The following MACROD1 variants were observed in gnomAD, a reference collection of about 807,000 sequenced individuals.
MACROD1 encodes mono-ADP ribosylhydrolase 1.
A neutral mutation model predicts 41.4 loss-of-function variants in MACROD1; 31 were observed. That is an observed-to-expected ratio of 0.75 (90% confidence interval 0.56 to 1.01). The LOEUF (loss-of-function observed/expected upper bound fraction) is 1.01. Among genes scored for constraint, MACROD1 ranks in the 50% least tolerant of loss-of-function variants. The pLI is 0.00. For synonymous variants in MACROD1, 252 were observed against 203.4 expected (o/e 1.24, Z -2.03); for missense variants, 473 against 460.0 (o/e 1.03, Z -0.26).
chr11:64,023,397 A>T (rs1423525212), intron 3 of MACROD1, among the ~76,000 whole-genome samples: 2 of 152,034 alleles, frequency 1.3e-5, no homozygotes, highest in Non-Finnish European at 2.9e-5. Flanking sequence ...TGATCATTTA[A>T]CTGAGGCCCT....
intron 3 of MACROD1, among the ~76,000 whole-genome samples, chr11:64,024,807 C>CT (rs996142884): frequency 2.6e-4 from 40 of 152,208 alleles, no homozygotes; most frequent in African/African-American, 9.1e-4. Context: ...GCCTTGACCC[C>CT]TAGGAAAGGT....
At position 64,014,079 on chromosome 11, in the gene MACROD1, C is replaced by T. The variant is rs11825727; in HGVS notation, c.547+1173G>A. On this transcript the variant is annotated intron_variant, in intron 4 of 10. Transcript: ENST00000255681. Reference sequence around the variant, plus strand: ...GACAGGGACCAGGCCCATCTGTGCCCGGCAGTACCTGTCCTGGCACCCAGC... The same window carrying T: ...GACAGGGACCAGGCCCATCTGTGCCTGGCAGTACCTGTCCTGGCACCCAGC... Among the ~76,000 whole-genome samples, 1,048 of 152,240 alleles carry T rather than the reference C, an allele frequency of 6.9e-3. 6 individuals are homozygous for T. The highest frequency in any genetic ancestry group is 0.024 in the African/African-American group (995 of 41,518).
Position 64,000,338 on chromosome 11 carries a change from C to A in MACROD1, c.553G>T (p.Gly185Cys), listed in dbSNP as rs76298781. The change falls in exon 5 of 11, where the codon GGC becomes TGC. Residue 185 changes from glycine to cysteine, a missense_variant. By Grantham distance (159) the Gly-to-Cys change is radical. Coordinates refer to ENST00000255681, the MANE Select transcript of MACROD1 (RefSeq NM_014067.4). Reference protein sequence around the residue: ...SSLLGGGGVDGCIHRAAGPLL... With the variant: ...SSLLGGGGVDCCIHRAAGPLL... ...GGGCCGGCGGCCCGATGAATGCAGCCGTCCACTGCGGGAAGGGCGGGCGCG... is the reference window on the plus strand; with the variant it reads ...GGGCCGGCGGCCCGATGAATGCAGCAGTCCACTGCGGGAAGGGCGGGCGCG... 7 of 1,573,502 alleles carry A rather than the reference C, an allele frequency of 4.4e-6. No individual in the cohort carries two copies. The highest frequency in any genetic ancestry group is 1.8e-5 in the Admixed American group (1 of 55,822).
intron 3 of MACROD1, among the ~76,000 whole-genome samples, chr11:64,063,193 C>T (rs1407496932): frequency 1.3e-5 from 2 of 152,116 alleles, no homozygotes; most frequent in Non-Finnish European, 2.9e-5. Context: ...GTGCGCCCTG[C>T]TTAGGGTACA....
chr11:64,053,121 A>G (rs891394025), intron 3 of MACROD1, among the ~76,000 whole-genome samples: 3 of 152,148 alleles, frequency 2.0e-5, no homozygotes, highest in African/African-American at 4.8e-5. Context: ...GCAGGGACCA[A>G]GAAGGTGCAG....
chr11:64,030,026 G>A (rs1274127581), intron 3 of MACROD1, among the ~76,000 whole-genome samples: 1 of 152,116 alleles, frequency 6.6e-6, no homozygotes, highest in East Asian at 1.9e-4. Context: ...GGGGCTGGGG[G>A]CTGACCAGCT....
intron 3 of MACROD1, among the ~76,000 whole-genome samples, chr11:64,048,880 G>A (rs956078679): frequency 9.9e-5 from 15 of 152,226 alleles, no homozygotes; most frequent in Admixed American, 5.2e-4. Context: ...ACCCAAAGCC[G>A]CCCTTGCCCT....
At chr11:64,164,147 G>C (rs142001470) in intron 1 of MACROD1, among the ~76,000 whole-genome samples, 2,106 of 152,338 alleles carry the variant, frequency 0.014, 31 homozygotes, top group South Asian at 0.087. Context: ...AGCTCCATGA[G>C]GGCAGGGCCC....
intron 3 of MACROD1, among the ~76,000 whole-genome samples, chr11:64,110,846 C>G (rs1436644813): frequency 6.6e-6 from 1 of 152,166 alleles, no homozygotes; most frequent in Non-Finnish European, 1.5e-5. Context: ...GGCAAGCAGG[C>G]ACCCAGGCAA....
At chr11:64,113,248 C>G (rs1944893012) in intron 3 of MACROD1, among the ~76,000 whole-genome samples, 1 of 152,228 alleles carries the variant, frequency 6.6e-6, no homozygotes, top group South Asian at 2.1e-4. Flanking sequence ...AAGTTCTCAG[C>G]AAAGCCTTTA....
At chr11:64,115,244 A>G (rs746310163) in intron 3 of MACROD1, among the ~76,000 whole-genome samples, 3 of 152,234 alleles carry the variant, frequency 2.0e-5, no homozygotes, top group Admixed American at 2.0e-4. Flanking sequence ...GTAAAATAAT[A>G]TAAGAAAAAT....
At chr11:64,145,778 T>A (rs932716894) in intron 3 of MACROD1, among the ~76,000 whole-genome samples, 1 of 151,008 alleles carries the variant, frequency 6.6e-6, no homozygotes, top group East Asian at 2.0e-4. Flanking sequence ...TTTCTTTTTT[T>A]TTGAGATGGA....
intron 3 of MACROD1, among the ~76,000 whole-genome samples, chr11:64,150,392 A>G (rs1052851382): frequency 6.8e-4 from 104 of 152,342 alleles, no homozygotes; most frequent in Middle Eastern, 6.8e-3. Flanking sequence ...AGGGGCTGGC[A>G]CAGCAGGGTT....
At chr11:64,015,810 AGGG>A (rs1341477781) in intron 3 of MACROD1, among the ~76,000 whole-genome samples, 6 of 130,134 alleles carry the variant, frequency 4.6e-5, no homozygotes. Context: ...AGCAGTGCTG[AGGG>A]GGCGCAGAAG....
At chr11:64,011,040 GCT>G in intron 4 of MACROD1, among the ~76,000 whole-genome samples, 1 of 148,696 alleles carries the variant, frequency 6.7e-6, no homozygotes, top group South Asian at 2.2e-4. Flanking sequence ...TGGGATGTTG[GCT>G]GGCGTGTTGG....
chr11:64,091,631 C>A (rs1944492755), intron 3 of MACROD1, among the ~76,000 whole-genome samples: 1 of 152,146 alleles, frequency 6.6e-6, no homozygotes, highest in Non-Finnish European at 1.5e-5. Flanking sequence ...CACCATCCCC[C>A]CATCCGACAG....
chr11:64,036,486 A>AC lies in MACROD1; in HGVS notation c.518-21206dup, dbSNP rs528893346. On this transcript the variant is annotated intron_variant, in intron 3 of 10. Coordinates refer to ENST00000255681, the MANE Select transcript of MACROD1 (RefSeq NM_014067.4). This position sits in a 1 kb window ranked among gnomAD's most constrained non-coding sequence, Gnocchi z 5.6. ...GAGCTCTAGTCCAAGCCCTCGCTGCACCCCCCAGGGAGGGGGCCTGGCCCG... is the reference window on the plus strand; with the variant it reads ...GAGCTCTAGTCCAAGCCCTCGCTGCACCCCCCCAGGGAGGGGGCCTGGCCCG... Among the ~76,000 whole-genome samples, 313 of 151,224 alleles carry AC rather than the reference A, an allele frequency of 2.1e-3. 2 individuals are homozygous for AC. The highest frequency in any genetic ancestry group is 7.2e-3 in the African/African-American group (297 of 41,186).
Position 64,148,984 on chromosome 11 carries a change from G to A in MACROD1, c.517+2255C>T, listed in dbSNP as rs900323012. 11 of 985,208 alleles carry A rather than the reference G, an allele frequency of 1.1e-5. No individual in the cohort carries two copies. The Admixed American group carries it at 4.3e-4, about 39-fold the overall frequency. The allele number at this position is 985,208 out of a possible 1,614,324, so 61.0% of individuals were successfully genotyped here. On this transcript the variant is annotated intron_variant, in intron 3 of 10. Transcript: ENST00000255681. ...AAGCCCGTGTTCAGACCCTGCCTCC[G>A]TCATTCCCTGGGATTCCAGGCGGGT...
In MACROD1 at chr11:64,151,279, G is replaced by A. The variant is rs139829449; in HGVS notation, c.477C>T (p.Ser159=). The change falls in exon 3 of 11, where the codon AGC becomes AGT. Residue 159 remains serine, a synonymous_variant. Transcript: ENST00000255681. The part of the protein sequence containing the change: ...QLNEKISLLR[S]DITKLEVDAI... Reference sequence around the variant, plus strand: ...CGTCCACCTCCAGCTTGGTGATGTCGCTGCGGAGCAGGGAGATTTTCTCAT... The same window carrying A: ...CGTCCACCTCCAGCTTGGTGATGTCACTGCGGAGCAGGGAGATTTTCTCAT... 351 of 1,613,770 alleles carry A rather than the reference G, an allele frequency of 2.2e-4. 1 individual carries two copies. The highest frequency in any genetic ancestry group is 2.8e-4 in the Non-Finnish European group (327 of 1,180,032).
Sources: allele counts gnomAD v4.1 joint callset (sites outside exome capture counted in the v4.1 genomes callset), GRCh38; gene constraint gnomAD v4.1.1; non-coding constraint Gnocchi (gnomAD v3.1); transcripts MANE v1.5; gene names NCBI Gene and HGNC (gene_info 2026-07-23, HGNC 2026-07-21).